HS3ST4: variants seen among roughly 807,000 people sequenced by gnomAD.
HS3ST4 encodes heparan sulfate glucosamine 3-O-sulfotransferase 4.
A neutral mutation model predicts 29.2 loss-of-function variants in HS3ST4; 17 were observed. The ratio of observed to expected loss-of-function variants is 0.58; its 90% CI spans 0.40 to 0.87. The LOEUF (loss-of-function observed/expected upper bound fraction) is 0.87. HS3ST4 is among the 40% of genes least tolerant of loss of function. The probability of loss-of-function intolerance (pLI) is 0.00; values close to 1 mark genes in which losing one functional copy is unlikely to be tolerated. For synonymous variants in HS3ST4, 314 were observed against 285.7 expected (o/e 1.10, Z -1.00); for missense variants, 627 against 634.5 (o/e 0.99, Z 0.13).
rs538665799 is a variant in HS3ST4, at chr16:25,838,677, C to T, written c.734+145526C>T. On this transcript the variant is annotated intron_variant, in intron 1 of 1. Coordinates refer to ENST00000331351, the MANE Select transcript of HS3ST4 (RefSeq NM_006040.3). ...CCTTCTAAGTCTTTTCCTAGACCCG[C>T]CCACTCTTGAGATCTATAACTGGGT... 4.6e-5 allele frequency among the ~76,000 whole-genome samples: 7 copies of T among 152,242 alleles called. No homozygotes were observed. The South Asian group carries it at 1.5e-3, about 32-fold the overall frequency.
intron 1 of HS3ST4, among the ~76,000 whole-genome samples, chr16:25,851,990 A>G (rs572624653): frequency 1.6e-4 from 25 of 152,340 alleles, no homozygotes; most frequent in Non-Finnish European, 2.4e-4. Flanking sequence ...CAGAGGTATC[A>G]TATGGGTTCT....
intron 1 of HS3ST4, among the ~76,000 whole-genome samples, chr16:25,904,851 TA>T (rs1968164483): frequency 1.3e-5 from 2 of 152,222 alleles, no homozygotes; most frequent in Admixed American, 6.5e-5. Flanking sequence ...TATGAGTTAA[TA>T]AATGTGAAGC....
intron 1 of HS3ST4, among the ~76,000 whole-genome samples, chr16:26,108,719 C>G (rs1899088727): frequency 6.6e-6 from 1 of 152,152 alleles, no homozygotes; most frequent in African/African-American, 2.4e-5. Flanking sequence ...GAATGTCTAA[C>G]AATTGTTGGT....
At chr16:25,997,230 A>C (rs933460815) in intron 1 of HS3ST4, among the ~76,000 whole-genome samples, 1 of 152,236 alleles carries the variant, frequency 6.6e-6, no homozygotes, top group Non-Finnish European at 1.5e-5. Context: ...ATGCAAAATA[A>C]TACCATTGAT....
At chr16:26,118,769 A>G (rs1899232514) in intron 1 of HS3ST4, among the ~76,000 whole-genome samples, 1 of 152,074 alleles carries the variant, frequency 6.6e-6, no homozygotes, top group African/African-American at 2.4e-5. Context: ...CAGGGAAAGG[A>G]ATGTGGAGTA....
intron 1 of HS3ST4, among the ~76,000 whole-genome samples, chr16:25,717,392 A>G (rs1468060487): frequency 2.0e-5 from 3 of 152,130 alleles, no homozygotes; most frequent in Non-Finnish European, 4.4e-5. Context: ...AGATAATATA[A>G]TAAAGGCTGC....
chr16:26,079,020 C>T (rs982943920), intron 1 of HS3ST4, among the ~76,000 whole-genome samples: 8 of 152,164 alleles, frequency 5.3e-5, no homozygotes, highest in Non-Finnish European at 1.2e-4. Flanking sequence ...GTTTGTGGTG[C>T]TTGGCAGGAA....
intron 1 of HS3ST4, among the ~76,000 whole-genome samples, chr16:25,784,461 G>A (rs567617322): frequency 1.3e-5 from 2 of 152,292 alleles, no homozygotes; most frequent in South Asian, 2.1e-4. Flanking sequence ...GTTTTTGAAG[G>A]AAATTAAAAG....
At chr16:26,093,648 G>C (rs1898885725) in intron 1 of HS3ST4, among the ~76,000 whole-genome samples, 1 of 152,200 alleles carries the variant, frequency 6.6e-6, no homozygotes, top group African/African-American at 2.4e-5. Context: ...AAACCACAAA[G>C]ATTGGGAGAA....
intron 1 of HS3ST4, among the ~76,000 whole-genome samples, chr16:25,952,291 T>C (rs58895492): frequency 0.16 from 23,583 of 152,094 alleles, 3,371 homozygotes; most frequent in African/African-American, 0.38. Flanking sequence ...TCCCATGGGG[T>C]GCAACAGTCC....
At chr16:26,119,053 G>A (rs8059646) in intron 1 of HS3ST4, among the ~76,000 whole-genome samples, 107,336 of 152,058 alleles carry the variant, frequency 0.71, 38,721 homozygotes, top group Non-Finnish European at 0.79. Flanking sequence ...TATTCTTATC[G>A]TTAGAGTATT....
chr16:25,972,167 A>G (rs544554165), intron 1 of HS3ST4, among the ~76,000 whole-genome samples: 1 of 152,250 alleles, frequency 6.6e-6, no homozygotes, highest in South Asian at 2.1e-4. Flanking sequence ...TGTAGTAGCT[A>G]TTATTGCTGT....
At chr16:25,968,967 A>G (rs902626718) in intron 1 of HS3ST4, among the ~76,000 whole-genome samples, 1 of 152,114 alleles carries the variant, frequency 6.6e-6, no homozygotes. Context: ...TTACAGGTGC[A>G]TGCCAAGACA....
At chr16:25,998,396 G>A (rs1969175562) in intron 1 of HS3ST4, among the ~76,000 whole-genome samples, 1 of 152,188 alleles carries the variant, frequency 6.6e-6, no homozygotes. Context: ...CTGTTACTAA[G>A]GATTGCTTCA....
intron 1 of HS3ST4, among the ~76,000 whole-genome samples, chr16:25,899,422 T>C (rs1054998705): frequency 6.6e-6 from 1 of 152,236 alleles, no homozygotes. Flanking sequence ...CAGCTTTCCC[T>C]GAACCTACAG....
At chr16:25,934,256 G>A (rs1968496264) in intron 1 of HS3ST4, among the ~76,000 whole-genome samples, 1 of 152,146 alleles carries the variant, frequency 6.6e-6, no homozygotes, top group Non-Finnish European at 1.5e-5. Flanking sequence ...CCCATTAGAA[G>A]GGGTTGAAGA....
chr16:25,736,343 A>T (rs534965484), intron 1 of HS3ST4, among the ~76,000 whole-genome samples: 1 of 152,222 alleles, frequency 6.6e-6, no homozygotes, highest in Admixed American at 6.5e-5. Context: ...ACCTTGCCAT[A>T]TGAAGTCACT....
intron 1 of HS3ST4, among the ~76,000 whole-genome samples, chr16:25,716,255 A>T (rs918633197): frequency 2.0e-5 from 3 of 152,170 alleles, no homozygotes; most frequent in Non-Finnish European, 4.4e-5. Context: ...TGTCTTGCTG[A>T]GATAGAGGTT....
chr16:25,935,815 T>C (rs913343323), intron 1 of HS3ST4, among the ~76,000 whole-genome samples: 7 of 152,182 alleles, frequency 4.6e-5, no homozygotes, highest in Non-Finnish European at 7.3e-5. Context: ...TTTAAAAAGA[T>C]AGACATTGAG....
Sources: gnomAD v4.1 joint callset for allele counts (sites outside exome capture counted in the v4.1 genomes callset) on GRCh38, gnomAD v4.1.1 for gene constraint, MANE v1.5 for transcripts, NCBI Gene and HGNC (gene_info 2026-07-23, HGNC 2026-07-21) for gene names.